Variants in CEBPZ observed in about 807,000 individuals in gnomAD.
The protein encoded by CEBPZ is CCAAT enhancer binding protein zeta.
Under a neutral mutation model 104.5 loss-of-function variants are expected in CEBPZ, and 78 were observed. The ratio of observed to expected loss-of-function variants is 0.75; its 90% CI spans 0.62 to 0.90. The LOEUF (loss-of-function observed/expected upper bound fraction) is 0.90. Ranked by LOEUF, CEBPZ falls within the 40% of genes least tolerant of loss-of-function variation. CEBPZ has a pLI of 0.00. For missense variants in CEBPZ, 1,439 were observed against 1,233.5 expected (o/e 1.17, Z -2.50); for synonymous variants, 470 against 427.0 (o/e 1.10, Z -1.24).
chr2:37,202,062 A>C lies in CEBPZ; in HGVS notation c.3026-159T>G, dbSNP rs952981453. ...CTGCTTGTTTGTTGCTTTTCTTCTC[A>C]TATTTATTGTCAAAGATAAATGTTT... On this transcript the variant is annotated intron_variant, in intron 15 of 15. Transcript: ENST00000234170. 12 of 477,382 alleles carry C rather than the reference A, an allele frequency of 2.5e-5. No individual in the cohort carries two copies. The East Asian group carries it at 3.8e-4, about 15-fold the overall frequency. 29.6% of individuals were successfully genotyped at this position (477,382 alleles called of 1,614,324 possible). A position where few individuals can be genotyped will look rare whatever the true frequency, so the allele number is the denominator to read the frequency against.
rs751741355 is a variant in CEBPZ, at chr2:37,212,361, A to G, written c.2577T>C (p.Ser859=). ...DTFEDDNCFS[S]GKDDMDFAGN... ...CAGCAAAATCCATATCATCCTTTCC[A>G]GAGCTGAAACAGTTATCATCTTCAA... Residue 859 remains serine, a synonymous_variant, in exon 11 of 16, where the codon TCT becomes TCC. Coordinates refer to ENST00000234170, the MANE Select transcript of CEBPZ (RefSeq NM_005760.3). The G allele has an allele frequency of 6.2e-7, 1 of 1,613,650 alleles. No homozygotes were observed. The highest frequency in any genetic ancestry group is 1.1e-5 in the South Asian group (1 of 91,070).
At position 37,214,819 on chromosome 2, in the gene CEBPZ, A is replaced by G. The variant is rs1395261665; in HGVS notation, c.2447+67T>C. 19 of 981,496 alleles carry G rather than the reference A, an allele frequency of 1.9e-5. No individual in the cohort carries two copies. In the East Asian group the frequency reaches 4.6e-4, roughly 24 times the overall value. 60.8% of individuals were successfully genotyped at this position (981,496 alleles called of 1,614,324 possible). ...AGTAGATTATTTCATAAAATGAAGCATTTTATGAAATCTAAAAATTTAAAT... is the reference window on the plus strand; with the variant it reads ...AGTAGATTATTTCATAAAATGAAGCGTTTTATGAAATCTAAAAATTTAAAT... On this transcript the variant is annotated intron_variant, in intron 9 of 15. Coordinates refer to ENST00000234170, the MANE Select transcript of CEBPZ (RefSeq NM_005760.3).
chr2:37,231,134 C>T (rs184782607), intron 1 of CEBPZ: 2 of 589,774 alleles, frequency 3.4e-6, no homozygotes, highest in Admixed American at 2.3e-5. Flanking sequence ...AGCCACTCTC[C>T]GACCTGATGG....
At chr2:37,216,483 A>G (rs1193228851) in intron 6 of CEBPZ, 65 bp from the exon 7 acceptor site, 1 of 1,138,062 alleles carries the variant, frequency 8.8e-7, no homozygotes, top group South Asian at 1.3e-5. Context: ...AAGTAAGAAA[A>G]AGGAAGAAAA....
chr2:37,217,848 G>C (rs1329677974), intron 5 of CEBPZ, among the ~76,000 whole-genome samples: 1 of 149,298 alleles, frequency 6.7e-6, no homozygotes, highest in East Asian at 2.0e-4. Flanking sequence ...CTTGGAGTGA[G>C]CCGAGATCGC....
intron 12 of CEBPZ, 137 bp from the exon 13 acceptor site, chr2:37,211,219 T>C: frequency 1.9e-6 from 1 of 534,742 alleles, no homozygotes; most frequent in Non-Finnish European, 3.3e-6. Context: ...GTAATTCCAC[T>C]AGCATAGGCT....
chr2:37,225,400 A>G (rs1664861702), intron 2 of CEBPZ, among the ~76,000 whole-genome samples: 2 of 151,610 alleles, frequency 1.3e-5, no homozygotes, highest in South Asian at 4.2e-4. Context: ...TTTGTTATGT[A>G]CTAAGAAAAA....
Position 37,231,448 on chromosome 2 carries a change from G to A in CEBPZ, c.120C>T (p.Phe40=), listed in dbSNP as rs1357532949. The change falls in exon 1 of 16, where the codon TTC becomes TTT. Residue 40 remains phenylalanine, a synonymous_variant. Coordinates refer to ENST00000234170, the MANE Select transcript of CEBPZ (RefSeq NM_005760.3). ...EDNTSEAENG[F]SLEEVLRLGG... is the part of the protein sequence containing the mutation. ...CGAGCCGTAACACTTCCTCCAGGGA[G>A]AACCCATTCTCGGCTTCACTAGTAT... The A allele has an allele frequency of 3.1e-6, 5 of 1,614,212 alleles. No individual in the cohort carries two copies. Among genetic ancestry groups the A allele is most frequent in the Non-Finnish European group, 3.4e-6 (4 of 1,180,042 alleles).
intron 13 of CEBPZ, among the ~76,000 whole-genome samples, chr2:37,205,830 A>G (rs1677519440): frequency 6.6e-6 from 1 of 152,238 alleles, no homozygotes. Flanking sequence ...TACACTGTGA[A>G]GCAGAATCTT....
intron 2 of CEBPZ, among the ~76,000 whole-genome samples, chr2:37,225,466 C>T (rs1470785015): frequency 6.8e-6 from 1 of 147,592 alleles, no homozygotes; most frequent in Non-Finnish European, 1.5e-5. Flanking sequence ...CCCGTGCTCT[C>T]TGAAACATGT....
chr2:37,216,472 C>A, intron 6 of CEBPZ, 54 bp from the exon 7 acceptor site: 2 of 1,268,916 alleles, frequency 1.6e-6, no homozygotes, highest in South Asian at 1.3e-5. Flanking sequence ...TCTATGAATC[C>A]AAGTAAGAAA....
intron 2 of CEBPZ, among the ~76,000 whole-genome samples, chr2:37,224,468 A>C (rs1664838978): frequency 6.6e-6 from 1 of 152,248 alleles, no homozygotes; most frequent in Admixed American, 6.5e-5. Context: ...CTTGTGAAGC[A>C]CTTTCCTATT....
At chr2:37,225,410 A>C (rs1369307895) in intron 2 of CEBPZ, among the ~76,000 whole-genome samples, 7 of 151,418 alleles carry the variant, frequency 4.6e-5, no homozygotes, top group Non-Finnish European at 8.8e-5. Flanking sequence ...ACTAAGAAAA[A>C]TTCTTCTGCC....
rs933259256 is a variant in CEBPZ, at chr2:37,216,436, G to T, written c.2209-18C>A. The T allele has an allele frequency of 2.6e-6, 4 of 1,552,838 alleles. No individual in the cohort carries two copies. Among genetic ancestry groups the T allele is most frequent in the Non-Finnish European group, 3.5e-6 (4 of 1,135,368 alleles). ...TAGTTTCCCTGAAAAGTGGAGCGGGGATTTAAAAACTTAATTCAAATTATG... is the reference window on the plus strand; with the variant it reads ...TAGTTTCCCTGAAAAGTGGAGCGGGTATTTAAAAACTTAATTCAAATTATG... On this transcript the variant is annotated intron_variant, in intron 6 of 15. Transcript: ENST00000234170.
chr2:37,223,746 G>A (rs915892257), intron 2 of CEBPZ, among the ~76,000 whole-genome samples: 11 of 152,178 alleles, frequency 7.2e-5, no homozygotes, highest in Non-Finnish European at 1.5e-4. Context: ...ACCAGATAGT[G>A]AAAACTGACC....
intron 13 of CEBPZ, among the ~76,000 whole-genome samples, chr2:37,204,961 A>G (rs1256440425): frequency 6.6e-6 from 1 of 152,208 alleles, no homozygotes; most frequent in Non-Finnish European, 1.5e-5. Context: ...GCTCAGTAGA[A>G]CTTGAAGTAA....
In CEBPZ at chr2:37,220,472, A is replaced by C; in HGVS notation, c.2067T>G (p.Gly689=). The C allele has an allele frequency of 6.4e-7, 1 of 1,556,572 alleles. No individual in the cohort carries two copies. Among genetic ancestry groups the C allele is most frequent in the South Asian group, 1.2e-5 (1 of 86,470 alleles). ...GATCGTATTTATTTAACTGTTTCCC[A>C]CCTAGGAATAACAAAAAAAATACGA... ...ASWVHFDNLK[G]GKQLNKYDPF... Residue 689 remains glycine (G), a splice_region_variant and synonymous_variant, in exon 5 of 16, where the codon GGT becomes GGG. Transcript: ENST00000234170.
chr2:37,208,980 T>G (rs1246845580), intron 13 of CEBPZ: 1 of 151,544 alleles, frequency 6.6e-6, no homozygotes, highest in East Asian at 1.9e-4. Context: ...CCAGTAGCAT[T>G]GCTATACACC....
rs1345768280 is a variant in CEBPZ at position 37,212,840 on chromosome 2, A to G, written c.2546-448T>C. 1.1e-4 allele frequency among the ~76,000 whole-genome samples: 17 copies of G among 150,164 alleles called. No homozygotes were observed. The South Asian group carries it at 3.6e-3, about 32-fold the overall frequency. On this transcript the variant is annotated intron_variant, in intron 10 of 15. Transcript: ENST00000234170. ...CGGCAAGACCCTATCTCTATTAAAAAAAAAAAAAAAACAAAAACAACAACA... is the reference window on the plus strand; with the variant it reads ...CGGCAAGACCCTATCTCTATTAAAAGAAAAAAAAAAACAAAAACAACAACA...
Sources: allele counts gnomAD v4.1 joint callset (sites outside exome capture counted in the v4.1 genomes callset), GRCh38; gene constraint gnomAD v4.1.1; transcripts MANE v1.5; gene names NCBI Gene and HGNC (gene_info 2026-07-23, HGNC 2026-07-21).